USH2A: variants seen among roughly 807,000 people sequenced by gnomAD.
USH2A encodes usherin.
Under a neutral mutation model 538.9 loss-of-function variants are expected in USH2A, and 443 were observed. The observed-to-expected ratio is 0.82, with a 90% CI of 0.76 to 0.89. The LOEUF is 0.89. Ranked by LOEUF, USH2A falls within the 40% of genes least tolerant of loss-of-function variation. The probability of loss-of-function intolerance (pLI) is 0.00; values close to 1 mark genes in which losing one functional copy is unlikely to be tolerated. For missense variants in USH2A, 6,633 were observed against 6,324.8 expected, an observed-to-expected ratio of 1.05 and a Z score of -1.65; for synonymous variants, 2,413 against 2,273.5, an observed-to-expected ratio of 1.06 and a Z score of -1.75.
At chr1:215,914,529 A>C (rs976403141) in intron 38 of USH2A, among the ~76,000 whole-genome samples, 3 of 152,132 alleles carry the variant, frequency 2.0e-5, no homozygotes, top group Admixed American at 2.0e-4. Context: ...ACATTGACAT[A>C]GTTGTCTTAC....
At chr1:216,280,942 A>C (rs2036763003) in intron 11 of USH2A, among the ~76,000 whole-genome samples, 1 of 152,128 alleles carries the variant, frequency 6.6e-6, no homozygotes, top group African/African-American at 2.4e-5. Flanking sequence ...AAATTGCATG[A>C]ATTTTTTAAA....
At chr1:216,050,065 C>T (rs1038931288) in intron 30 of USH2A, among the ~76,000 whole-genome samples, 6 of 152,216 alleles carry the variant, frequency 3.9e-5, no homozygotes, top group Admixed American at 2.6e-4. Context: ...CTGCGATTGT[C>T]ATTTCCTGTT....
In USH2A at chr1:216,385,013, A is replaced by C. The variant is rs949189312; in HGVS notation, c.652-19928T>G. On this transcript the variant is annotated intron_variant, in intron 3 of 71. Coordinates refer to ENST00000307340, the MANE Select transcript of USH2A (RefSeq NM_206933.4). ...AGAGAAACACTGTGAGTCAGAGGTG[A>C]AATTTTTCATTGTATCTGGCAGGCA... Among the ~76,000 whole-genome samples, 7 of 152,214 alleles carry C rather than the reference A, an allele frequency of 4.6e-5. No individual in the cohort carries two copies. The South Asian group carries it at 6.2e-4, about 13-fold the overall frequency.
chr1:216,281,107 A>T lies in USH2A; in HGVS notation c.1971+8173T>A, dbSNP rs555988971. Among the ~76,000 whole-genome samples, 277 of 152,342 alleles carry T rather than the reference A, an allele frequency of 1.8e-3. 2 individuals carry two copies. The highest frequency in any genetic ancestry group is 3.4e-3 in the Middle Eastern group (1 of 294). ...GGTAGACTTGACACAATATCTCCAC[A>T]TGTAACGATACTCCATAAACTTTGT... On this transcript the variant is annotated intron_variant, in intron 11 of 71. Transcript: ENST00000307340.
At chr1:215,870,784 C>G (rs1664606350) in intron 43 of USH2A, among the ~76,000 whole-genome samples, 1 of 152,050 alleles carries the variant, frequency 6.6e-6, no homozygotes, top group African/African-American at 2.4e-5. Flanking sequence ...TCCATTCACT[C>G]TATGTATACT....
chr1:215,969,323 T>TC (rs1315775103), intron 36 of USH2A, among the ~76,000 whole-genome samples: 1 of 152,058 alleles, frequency 6.6e-6, no homozygotes, highest in Admixed American at 6.6e-5. Flanking sequence ...CCAATTCTAT[T>TC]CCCCCCTTCC....
At chr1:216,067,875 T>C (rs1014019091) in intron 30 of USH2A, among the ~76,000 whole-genome samples, 2 of 152,104 alleles carry the variant, frequency 1.3e-5, no homozygotes, top group African/African-American at 4.8e-5. Flanking sequence ...ATCTATCTGG[T>C]ATTTGATGTT....
intron 20 of USH2A, among the ~76,000 whole-genome samples, chr1:216,188,323 G>C (rs2034648541): frequency 6.6e-6 from 1 of 151,808 alleles, no homozygotes; most frequent in African/African-American, 2.4e-5. Context: ...GATCCAGCTA[G>C]TTTCTAGGGA....
chr1:215,741,114 T>G (rs1343282337), intron 60 of USH2A, among the ~76,000 whole-genome samples: 1 of 152,160 alleles, frequency 6.6e-6, no homozygotes, highest in Non-Finnish European at 1.5e-5. Flanking sequence ...GTCTCAGTTT[T>G]CAAACAGATC....
chr1:216,353,342 G>A (rs558713009), intron 4 of USH2A, among the ~76,000 whole-genome samples: 2 of 151,754 alleles, frequency 1.3e-5, no homozygotes, highest in Non-Finnish European at 1.5e-5. Context: ...AAACAGAGCC[G>A]CTGGGGGCAC....
At chr1:215,810,726 C>T (rs78664314) in intron 49 of USH2A, among the ~76,000 whole-genome samples, 3,267 of 152,152 alleles carry the variant, frequency 0.021, 243 homozygotes, top group Admixed American at 0.14. Flanking sequence ...TAAGTTACTT[C>T]GAGAAAGTAA....
chr1:215,716,140 C>T (rs559545333), intron 61 of USH2A, among the ~76,000 whole-genome samples: 14 of 150,812 alleles, frequency 9.3e-5, no homozygotes, highest in African/African-American at 3.2e-4. Flanking sequence ...TGTATTAATA[C>T]GTCTCCCTTT....
chr1:216,005,941 T>TAATC (rs112721087), intron 32 of USH2A, among the ~76,000 whole-genome samples: 5,591 of 152,186 alleles, frequency 0.037, 327 homozygotes, highest in African/African-American at 0.13. Flanking sequence ...TAGCCATAGT[T>TAATC]AATATCAATC....
intron 15 of USH2A, among the ~76,000 whole-genome samples, chr1:216,214,261 T>C (rs936908641): frequency 6.6e-6 from 1 of 152,082 alleles, no homozygotes; most frequent in Admixed American, 6.6e-5. Context: ...ATGGATGCAT[T>C]ATTCATAGTA....
intron 37 of USH2A, among the ~76,000 whole-genome samples, chr1:215,941,637 G>T (rs1369532600): frequency 1.3e-5 from 2 of 152,058 alleles, no homozygotes; most frequent in African/African-American, 4.8e-5. Context: ...TTCTGGTAGA[G>T]CCTTACTAAC....
intron 3 of USH2A, among the ~76,000 whole-genome samples, chr1:216,392,954 C>T (rs866380771): frequency 3.3e-5 from 5 of 152,086 alleles, no homozygotes; most frequent in South Asian, 2.1e-4. Context: ...TTATGTATAG[C>T]TTCTTAAGGA....
At chr1:215,990,545 T>C (rs1345518926) in intron 35 of USH2A, among the ~76,000 whole-genome samples, 2 of 152,172 alleles carry the variant, frequency 1.3e-5, no homozygotes, top group Non-Finnish European at 1.5e-5. Context: ...GTTTGACATA[T>C]ACGCAAATAA....
At chr1:216,377,855 GAA>G (rs1182627810) in intron 3 of USH2A, among the ~76,000 whole-genome samples, 2 of 134,136 alleles carry the variant, frequency 1.5e-5, no homozygotes, top group Admixed American at 1.6e-4. Flanking sequence ...AAGAAAGAAA[GAA>G]AGAAAGAAAG....
At chr1:215,657,281 T>C (rs1256812001) in intron 64 of USH2A, among the ~76,000 whole-genome samples, 1 of 152,246 alleles carries the variant, frequency 6.6e-6, no homozygotes, top group Non-Finnish European at 1.5e-5. Flanking sequence ...TAATGCCTTC[T>C]TAAAGGGTAG....
Sources: allele counts gnomAD v4.1 joint callset (sites outside exome capture counted in the v4.1 genomes callset), GRCh38; gene constraint gnomAD v4.1.1; transcripts MANE v1.5; gene names NCBI Gene and HGNC (gene_info 2026-07-23, HGNC 2026-07-21).